PPIG: variants seen among roughly 807,000 people sequenced by gnomAD.
PPIG encodes the protein peptidyl-prolyl cis-trans isomerase G.
PPIG carries 26 observed loss-of-function variants against 87.9 expected under a neutral mutation model. The ratio of observed to expected loss-of-function variants is 0.30; its 90% CI spans 0.22 to 0.41. PPIG has a LOEUF of 0.41. PPIG is among the 10% of genes least tolerant of loss of function. The probability of loss-of-function intolerance (pLI) is 1.00; values close to 1 mark genes in which losing one functional copy is unlikely to be tolerated. For synonymous variants in PPIG, 308 were observed against 276.5 expected, an observed-to-expected ratio of 1.11 and a Z score of -1.13; for missense variants, 722 against 879.4, an observed-to-expected ratio of 0.82 and a Z score of 2.26.
At chr2:169,636,257 G>A (rs1686178211) in intron 13 of PPIG, 29 bp downstream of exon 13, 3 of 1,564,878 alleles carry the variant, frequency 1.9e-6, no homozygotes, top group African/African-American at 1.4e-5. Context: ...TATTTCAAAT[G>A]TAATGATAAG....
Position 169,630,821 on chromosome 2 carries a change from T to A in PPIG, c.595T>A (p.Ser199Thr). ...KRHKSSSSSS[S>T]SSSDSDSSSD... ...GCATAAATCATCATCATCTTCCTCC[T>A]CCTCATCTAGTGACTCAGATAGCTC... The change falls in exon 10 of 14, where the codon TCC (serine) becomes ACC (threonine). Residue 199 changes from serine (S) to threonine (T), a missense_variant. This residue lies in a region of PPIG where 142 missense variants were observed against 152.8 expected (regional missense o/e 0.93). Transcript: ENST00000260970. 6.2e-7 allele frequency: 1 copy of A among 1,611,916 alleles called. No individual in the cohort carries two copies. Among genetic ancestry groups the A allele is most frequent in the South Asian group, 1.1e-5 (1 of 90,228 alleles).
chr2:169,596,808 T>C (rs1156278813), intron 1 of PPIG, among the ~76,000 whole-genome samples: 1 of 152,036 alleles, frequency 6.6e-6, no homozygotes, highest in Admixed American at 6.5e-5. Context: ...TAAGCGATTC[T>C]CCTGCCTCAG....
intron 9 of PPIG, among the ~76,000 whole-genome samples, chr2:169,616,729 T>C (rs1273342070): frequency 6.6e-6 from 1 of 152,224 alleles, no homozygotes; most frequent in Non-Finnish European, 1.5e-5. Flanking sequence ...TTAAGTTCTT[T>C]ATAGATTCTG....
At position 169,636,630 on chromosome 2, in the gene PPIG, T is replaced by G. The variant is rs1261205833; in HGVS notation, c.1372T>G (p.Ser458Ala). ...AAACAAAGTGAAGAAAAGGGCCAAA[T>G]CTAAAAGTAGGAGTAAGAGCAAAGA... ...YKNKVKKRAK[S>A]KSRSKSKEKS... Residue 458 changes from serine to alanine, a missense_variant, in exon 14 of 14, where the codon TCT becomes GCT. This residue lies in a region of PPIG where 476 missense variants were observed against 483.1 expected (regional missense o/e 0.99). Coordinates refer to ENST00000260970, the MANE Select transcript of PPIG (RefSeq NM_004792.3). 4 of 1,593,282 alleles carry G rather than the reference T, an allele frequency of 2.5e-6. No individual in the cohort carries two copies. Among genetic ancestry groups the G allele is most frequent in the Non-Finnish European group, 2.6e-6 (3 of 1,175,034 alleles).
At chr2:169,606,831 C>T (rs1422562599) in intron 5 of PPIG, among the ~76,000 whole-genome samples, 2 of 151,990 alleles carry the variant, frequency 1.3e-5, no homozygotes, top group African/African-American at 2.4e-5. Flanking sequence ...TAACCTGTTG[C>T]AAGACCTGCA....
intron 1 of PPIG, among the ~76,000 whole-genome samples, chr2:169,585,268 G>GTGTTTTTTTTTT (rs1476229562): frequency 4.5e-5 from 1 of 22,106 alleles, no homozygotes; most frequent in Non-Finnish European, 1.1e-4. Context: ...TTCTTGGTTA[G>GTGTTTTTTTTTT]TCTTTTTTTT....
At chr2:169,628,574 C>G (rs1685955263) in intron 9 of PPIG, among the ~76,000 whole-genome samples, 1 of 152,106 alleles carries the variant, frequency 6.6e-6, no homozygotes, top group African/African-American at 2.4e-5. Context: ...ACTCAGGAGA[C>G]TGAGAGAAAG....
chr2:169,592,099 A>AT (rs72224744), intron 1 of PPIG, among the ~76,000 whole-genome samples: 192 of 146,092 alleles, frequency 1.3e-3, no homozygotes, highest in African/African-American at 3.5e-3. Context: ...GCTAATTGTC[A>AT]TTTTTTTTTT....
At chr2:169,618,375 G>T (rs544395186) in intron 9 of PPIG, among the ~76,000 whole-genome samples, 176 of 152,302 alleles carry the variant, frequency 1.2e-3, no homozygotes, top group Middle Eastern at 3.4e-3. Flanking sequence ...CATAAAATGA[G>T]TTAGGGAGGA....
chr2:169,586,756 TTTCC>T (rs2105466864), intron 1 of PPIG, among the ~76,000 whole-genome samples: 1 of 152,302 alleles, frequency 6.6e-6, no homozygotes, highest in East Asian at 1.9e-4. Flanking sequence ...GTTAGGCTTT[TTTCC>T]TTCCTATTAG....
At chr2:169,623,057 A>T (rs1685799343) in intron 9 of PPIG, among the ~76,000 whole-genome samples, 1 of 152,032 alleles carries the variant, frequency 6.6e-6, no homozygotes, top group South Asian at 2.1e-4. Context: ...CTCTCTTTGC[A>T]ATTTTGAGAT....
In PPIG at chr2:169,640,339, T is replaced by C. The variant is rs1240867327; in HGVS notation, c.*2816T>C. 6.6e-6 allele frequency: 1 copy of C among 152,218 alleles called. No homozygotes were observed. The highest frequency in any genetic ancestry group is 1.5e-5 in the Non-Finnish European group (1 of 68,028). The allele number at this position is 152,218 out of a possible 1,614,324, so 9.4% of individuals were successfully genotyped here. ...ATGGAGCTAAACAATTAAAGAACTC[T>C]TCATTATGGATAGGCACATATTGGA... On this transcript the variant is annotated 3_prime_UTR_variant, in exon 14 of 14. Coordinates refer to ENST00000260970, the MANE Select transcript of PPIG (RefSeq NM_004792.3).
chr2:169,585,950 G>T lies in PPIG; in HGVS notation c.-70+1460G>T, dbSNP rs531240137. ...CTTTGTAACAATGACGGGTGGGGGG[G>T]TGAACATTTTATAAATTTTGAAATC... On this transcript the variant is annotated intron_variant, in intron 1 of 13. Coordinates refer to ENST00000260970, the MANE Select transcript of PPIG (RefSeq NM_004792.3). Among the ~76,000 whole-genome samples, 3 of 152,096 alleles carry T rather than the reference G, an allele frequency of 2.0e-5. No homozygotes were observed. The South Asian group carries it at 6.2e-4, about 32-fold the overall frequency.
chr2:169,602,910 G>A (rs907626548), intron 1 of PPIG, among the ~76,000 whole-genome samples: 1 of 152,126 alleles, frequency 6.6e-6, no homozygotes, highest in East Asian at 1.9e-4. Flanking sequence ...AATGGTAAAG[G>A]TAATGAGAAC....
rs372510969 is a variant in PPIG, at chr2:169,631,820, C to T, written c.816C>T (p.Val272=). Residue 272 remains valine (V), a synonymous_variant, in exon 11 of 14, where the codon GTC becomes GTT. Coordinates refer to ENST00000260970, the MANE Select transcript of PPIG (RefSeq NM_004792.3). The part of the protein sequence containing the change: ...ENLEAQPQST[V]RPEEIPPIPE... ...TTGAAGCACAACCCCAGTCTACTGT[C>T]CGTCCAGAAGAGATCCCTCCTATAC... 5 of 1,613,442 alleles carry T rather than the reference C, an allele frequency of 3.1e-6. No individual in the cohort carries two copies. Among genetic ancestry groups the T allele is most frequent in the Non-Finnish European group, 4.2e-6 (5 of 1,179,682 alleles).
rs74263912 is a variant in PPIG at position 169,637,557 on chromosome 2, G to A, written c.*34G>A. The A allele has an allele frequency of 1.1e-3, 1,587 of 1,485,084 alleles. 30 individuals carry two copies. In the East Asian group the frequency reaches 0.034, roughly 31 times the overall value. The allele number at this position is 1,485,084 out of a possible 1,614,324, so 92.0% of individuals were successfully genotyped here. A position where few individuals can be genotyped will look rare whatever the true frequency, so the allele number is the denominator to read the frequency against. ...TATAAACTTACTTCCATTCTGTTTC[G>A]GATTTTAAGTTTGAGAGACTTGCTA... On this transcript the variant is annotated 3_prime_UTR_variant, in exon 14 of 14. Transcript: ENST00000260970.
chr2:169,626,091 G>C (rs1685879502), intron 9 of PPIG, among the ~76,000 whole-genome samples: 1 of 152,164 alleles, frequency 6.6e-6, no homozygotes, highest in Non-Finnish European at 1.5e-5. Flanking sequence ...TGTTGACTAT[G>C]TATATTGGTA....
Position 169,637,236 on chromosome 2 carries a change from A to T in PPIG, c.1978A>T (p.Ser660Cys), listed in dbSNP as rs913104123. 6.2e-7 allele frequency: 1 copy of T among 1,613,558 alleles called. No individual in the cohort carries two copies. The highest frequency in any genetic ancestry group is 8.5e-7 in the Non-Finnish European group (1 of 1,179,940). Residue 660 changes from serine to cysteine, a missense_variant, in exon 14 of 14, where the codon AGT becomes TGT. By Grantham distance (112) the Ser-to-Cys change is moderately radical. Coordinates refer to ENST00000260970, the MANE Select transcript of PPIG (RefSeq NM_004792.3). ...CTCACACAGAAAAGAAAATTCTGAG[A>T]GTGAGAAAAGAATGTACTCTAAAAG... ...KSSHRKENSE[S>C]EKRMYSKSRD... is the part of the protein sequence containing the mutation.
At chr2:169,615,351 A>AT (rs1276804692) in intron 9 of PPIG, among the ~76,000 whole-genome samples, 2 of 152,126 alleles carry the variant, frequency 1.3e-5, no homozygotes, top group Non-Finnish European at 2.9e-5. Context: ...CTGGCCAGTG[A>AT]TTTTCAAGAA....
Sources: allele counts gnomAD v4.1 joint callset (sites outside exome capture counted in the v4.1 genomes callset), GRCh38; gene constraint gnomAD v4.1.1; regional missense constraint gnomAD v4.1.1; transcripts MANE v1.5; gene names NCBI Gene and HGNC (gene_info 2026-07-23, HGNC 2026-07-21).